The following BLTP3A variants were observed in gnomAD, a reference collection of about 807,000 sequenced individuals.
BLTP3A encodes bridge-like lipid transfer protein family member 3A.
At chr6:34,805,735 C>CAAAAAAA in the BLTP3A span, among the ~76,000 whole-genome samples, 10 of 73,700 alleles carry the variant, frequency 1.4e-4, no homozygotes, top group Admixed American at 4.8e-4. Context: ...GACCCTATCT[C>CAAAAAAA]AAAAAAAAAA....
At chr6:34,838,276 C>T in the BLTP3A span, among the ~76,000 whole-genome samples, 3 of 152,122 alleles carry the variant, frequency 2.0e-5, no homozygotes, top group African/African-American at 7.2e-5. Context: ...AACACAAAAT[C>T]CATTTTTATA....
the BLTP3A span, among the ~76,000 whole-genome samples, chr6:34,850,036 A>T: frequency 1.3e-5 from 2 of 151,870 alleles, no homozygotes; most frequent in Non-Finnish European, 2.9e-5. Flanking sequence ...CCAGCTACTC[A>T]GGAGGCTGAG....
At chr6:34,835,273 T>C in the BLTP3A span, 1 of 1,612,172 alleles carries the variant, frequency 6.2e-7, no homozygotes, top group African/African-American at 1.3e-5. Flanking sequence ...ATAAACCCCA[T>C]GTTGTCTGTG....
At chr6:34,821,642 A>C in the BLTP3A span, 1 of 1,599,646 alleles carries the variant, frequency 6.3e-7, no homozygotes, top group Non-Finnish European at 8.5e-7. Context: ...TCTTATCATT[A>C]CTCTTTTCAG....
At chr6:34,872,047 G>T in the BLTP3A span, 1 of 1,018,426 alleles carries the variant, frequency 9.8e-7, no homozygotes, top group East Asian at 2.6e-5. Context: ...GGTGTTTTGG[G>T]TTCCTGTCAC....
At chr6:34,828,271 T>G in the BLTP3A span, among the ~76,000 whole-genome samples, 1 of 151,730 alleles carries the variant, frequency 6.6e-6, no homozygotes, top group Non-Finnish European at 1.5e-5. Context: ...ATCAACATGG[T>G]GAAACCCCGT....
the BLTP3A span, among the ~76,000 whole-genome samples, chr6:34,849,550 A>T: frequency 6.6e-6 from 1 of 152,086 alleles, no homozygotes; most frequent in Non-Finnish European, 1.5e-5. Flanking sequence ...TATTGTAGTT[A>T]TTTTTGATAG....
At chr6:34,870,851 A>C in the BLTP3A span, 2 of 1,613,110 alleles carry the variant, frequency 1.2e-6, no homozygotes, top group Non-Finnish European at 1.7e-6. Context: ...TTTCTTCACA[A>C]AGGTACATGC....
chr6:34,860,525 G>A, the BLTP3A span, among the ~76,000 whole-genome samples: 5 of 152,190 alleles, frequency 3.3e-5, no homozygotes, highest in African/African-American at 1.2e-4. Context: ...GGAGGAAGGA[G>A]AGGAAAACTT....
At chr6:34,806,349 A>C in the BLTP3A span, among the ~76,000 whole-genome samples, 84 of 152,280 alleles carry the variant, frequency 5.5e-4, no homozygotes, top group African/African-American at 2.0e-3. Context: ...GTTTGAGCCC[A>C]TTAACCCTAG....
chr6:34,812,165 C>CT, the BLTP3A span, among the ~76,000 whole-genome samples: 1 of 151,898 alleles, frequency 6.6e-6, no homozygotes, highest in Non-Finnish European at 1.5e-5. Context: ...CCCATGTCTA[C>CT]TAAAAATACA....
At chr6:34,862,371 G>A in the BLTP3A span, among the ~76,000 whole-genome samples, 13 of 149,264 alleles carry the variant, frequency 8.7e-5, no homozygotes, top group Admixed American at 2.0e-4. Context: ...GCGAGACTCC[G>A]TCTCAAAAAA....
the BLTP3A span, among the ~76,000 whole-genome samples, chr6:34,815,217 G>C: frequency 2.0e-5 from 3 of 151,710 alleles, no homozygotes; most frequent in African/African-American, 7.3e-5. Flanking sequence ...GCTTTTTCCC[G>C]CTTGTGGTGT....
At chr6:34,827,393 A>G in the BLTP3A span, among the ~76,000 whole-genome samples, 40 of 152,286 alleles carry the variant, frequency 2.6e-4, no homozygotes, top group African/African-American at 8.9e-4. Context: ...AAATAAAAGA[A>G]AAGAGGATTT....
the BLTP3A span, chr6:34,872,302 T>C: frequency 8.1e-6 from 13 of 1,600,984 alleles, no homozygotes; most frequent in East Asian, 1.8e-4. Context: ...TAACTACTTA[T>C]TGTTCCTCAG....
the BLTP3A span, among the ~76,000 whole-genome samples, chr6:34,838,240 A>G: frequency 3.3e-5 from 5 of 152,200 alleles, no homozygotes; most frequent in South Asian, 2.1e-4. Flanking sequence ...GAGTTTCCAT[A>G]TAAGTTGGTA....
At chr6:34,824,481 C>T in the BLTP3A span, among the ~76,000 whole-genome samples, 2 of 150,066 alleles carry the variant, frequency 1.3e-5, no homozygotes, top group Admixed American at 6.6e-5. Flanking sequence ...TCGCTTGAAC[C>T]CGGAAGGTGG....
the BLTP3A span, chr6:34,821,855 A>G: frequency 6.2e-7 from 1 of 1,614,124 alleles, no homozygotes; most frequent in Non-Finnish European, 8.5e-7. Context: ...CTCTTTGGCC[A>G]GTAGGCCTGC....
the BLTP3A span, among the ~76,000 whole-genome samples, chr6:34,852,533 CCCTCT>C: frequency 0.11 from 14,600 of 129,218 alleles, 987 homozygotes; most frequent in Middle Eastern, 0.16. Context: ...CTGTATTCGC[CCCTCT>C]CCTCTCCTCT....
Sources: allele counts gnomAD v4.1 joint callset (sites outside exome capture counted in the v4.1 genomes callset), GRCh38; gene constraint gnomAD v4.1.1; transcripts MANE v1.5; gene names NCBI Gene and HGNC (gene_info 2026-07-23, HGNC 2026-07-21).